LARP4B: variants seen among roughly 807,000 people sequenced by gnomAD.
LARP4B encodes La ribonucleoprotein 4B, also known as la-related protein 4B.
Under a neutral mutation model 89.8 loss-of-function variants are expected in LARP4B, and 12 were observed. That is an observed-to-expected ratio of 0.13 (90% confidence interval 0.09 to 0.22). The LOEUF (loss-of-function observed/expected upper bound fraction) is 0.22, where lower values mean the gene tolerates loss of function less well. LARP4B is among the 10% of genes least tolerant of loss of function. The pLI, the probability that LARP4B is intolerant of heterozygous loss-of-function variation, is 1.00. For synonymous variants in LARP4B, 367 were observed against 363.3 expected (o/e 1.01, Z -0.12); for missense variants, 757 against 947.7 (o/e 0.80, Z 2.64).
intron 3 of LARP4B, among the ~76,000 whole-genome samples, chr10:867,483 TAAAC>T (rs746257690): frequency 9.2e-5 from 14 of 152,218 alleles, no homozygotes; most frequent in Admixed American, 2.6e-4. Context: ...TAGTTTGTAT[TAAAC>T]AAAGATCTGA....
At chr10:878,301 G>A (rs1364929323) in intron 3 of LARP4B, among the ~76,000 whole-genome samples, 4 of 152,162 alleles carry the variant, frequency 2.6e-5, no homozygotes, top group Admixed American at 6.5e-5. Flanking sequence ...GTGTTAGAAA[G>A]GAAGGGTGGG....
the LARP4B span, among the ~76,000 whole-genome samples, chr10:960,449 G>C: frequency 9.9e-5 from 15 of 152,064 alleles, no homozygotes; most frequent in Non-Finnish European, 1.9e-4. Flanking sequence ...GCTCACTCCT[G>C]TAATCCCAGC....
the LARP4B span, among the ~76,000 whole-genome samples, chr10:975,138 G>C: frequency 1.3e-5 from 2 of 152,198 alleles, no homozygotes; most frequent in Admixed American, 6.5e-5. Context: ...TGTTTAAAAG[G>C]GAAATACATA....
intron 11 of LARP4B, among the ~76,000 whole-genome samples, chr10:827,064 A>G (rs1588866539): frequency 2.0e-5 from 3 of 152,190 alleles, no homozygotes; most frequent in African/African-American, 7.2e-5. Context: ...TCAAAAGGTC[A>G]GGAGATCAAG....
At chr10:871,030 T>C (rs972198703) in intron 3 of LARP4B, among the ~76,000 whole-genome samples, 2 of 152,280 alleles carry the variant, frequency 1.3e-5, no homozygotes, top group Non-Finnish European at 2.9e-5. Context: ...GACTTGGCAC[T>C]GCCTCATGTC....
Position 833,674 on chromosome 10 carries a change from G to C in LARP4B, c.751-2697C>G, listed in dbSNP as rs1025740921. Among the ~76,000 whole-genome samples, 34 of 152,092 alleles carry C rather than the reference G, an allele frequency of 2.2e-4. 1 individual carries two copies. Among genetic ancestry groups the C allele is most frequent in the Admixed American group, 1.2e-3 (19 of 15,280 alleles). ...TGGGAGGCCGAGGAGGACGGATCACGAGGTCAAAAGATCAAGACCATCCTG... is the reference window on the plus strand; with the variant it reads ...TGGGAGGCCGAGGAGGACGGATCACCAGGTCAAAAGATCAAGACCATCCTG... On this transcript the variant is annotated intron_variant, in intron 8 of 17. Transcript: ENST00000316157.
intron 8 of LARP4B, among the ~76,000 whole-genome samples, chr10:832,835 G>T (rs1472076577): frequency 6.6e-6 from 1 of 152,190 alleles, no homozygotes; most frequent in Non-Finnish European, 1.5e-5. Context: ...CCAGGCAGAA[G>T]GAAAGTCCAG....
At chr10:972,500 T>A in the LARP4B span, 1 of 456,714 alleles carries the variant, frequency 2.2e-6, no homozygotes, top group Non-Finnish European at 4.4e-6. Flanking sequence ...CATTCTATTC[T>A]CAGAGGGGTG....
At chr10:824,721 C>A (rs1832534304) in intron 13 of LARP4B, among the ~76,000 whole-genome samples, 1 of 152,242 alleles carries the variant, frequency 6.6e-6, no homozygotes, top group Non-Finnish European at 1.5e-5. Flanking sequence ...GCCAGGCCAG[C>A]AGCCATGGGG....
chr10:957,093 T>C, the LARP4B span, among the ~76,000 whole-genome samples: 1 of 152,200 alleles, frequency 6.6e-6, no homozygotes. Context: ...GAAGCACTTT[T>C]GTGATGGGAG....
chr10:843,860 C>A (rs191344435), intron 6 of LARP4B, among the ~76,000 whole-genome samples: 1 of 152,264 alleles, frequency 6.6e-6, no homozygotes, highest in Admixed American at 6.5e-5. Context: ...TTCCTAGCAG[C>A]CAGAATTAAA....
chr10:896,029 GC>G (rs1490121573), intron 1 of LARP4B, among the ~76,000 whole-genome samples: 1 of 152,240 alleles, frequency 6.6e-6, no homozygotes, highest in Non-Finnish European at 1.5e-5. Flanking sequence ...GGGCACTGCT[GC>G]CCACGCAGGA....
At chr10:836,352 A>G in intron 8 of LARP4B, 51 bp downstream of exon 8, 2 of 1,297,870 alleles carry the variant, frequency 1.5e-6, no homozygotes, top group African/African-American at 3.0e-5. Flanking sequence ...CAAAACCAAC[A>G]AAGACCTTTG....
chr10:846,252 C>A (rs180828248), intron 5 of LARP4B, among the ~76,000 whole-genome samples: 1 of 152,212 alleles, frequency 6.6e-6, no homozygotes, highest in Non-Finnish European at 1.5e-5. Flanking sequence ...GCCTGAATAA[C>A]GCAAAGCCTG....
intron 3 of LARP4B, among the ~76,000 whole-genome samples, chr10:881,361 T>C (rs1165370840): frequency 6.6e-6 from 1 of 152,220 alleles, no homozygotes; most frequent in Admixed American, 6.5e-5. Flanking sequence ...TCTCACCCAC[T>C]GCAATCTGGC....
chr10:857,007 C>T (rs1834338938), intron 5 of LARP4B, among the ~76,000 whole-genome samples: 1 of 152,024 alleles, frequency 6.6e-6, no homozygotes. Context: ...ACTTGAGACT[C>T]CCAGGCCTCT....
rs979686785 is a variant in LARP4B at position 873,137 on chromosome 10, C to T, written c.142-8867G>A. ...ACTACTTAGTTCTCTGCTGAAGCAG[C>T]AGCCCATGTTTGAGAGCTCACAAGC... On this transcript the variant is annotated intron_variant, in intron 3 of 17. Transcript: ENST00000316157. 5.1e-6 allele frequency: 5 copies of T among 985,278 alleles called. No homozygotes were observed. In the African/African-American group the frequency reaches 8.7e-5, roughly 17 times the overall value. 61.0% of individuals were successfully genotyped at this position (985,278 alleles called of 1,614,324 possible).
At position 813,091 on chromosome 10, in the gene LARP4B, C is replaced by G. The variant is rs767163439; in HGVS notation, c.2052G>C (p.Lys684Asn). ...ATCTCTCTGCGGGCTCTGCCAGCTT[C>G]TTTTCCTCCTTCCCACAACCAACAG... ...PNTVGCGKEE[K>N]KLAEPAERYR... The change falls in exon 18 of 18, where the codon AAG becomes AAC. Residue 684 changes from lysine to asparagine, a missense_variant. Physicochemically the swap from Lys to Asn is moderately conservative, Grantham distance 94 (BLOSUM62 0). This residue lies in a region of LARP4B where 387 missense variants were observed against 423.6 expected (regional missense o/e 0.91). Transcript: ENST00000316157. 1 of 1,614,208 alleles carries G rather than the reference C, an allele frequency of 6.2e-7. No individual in the cohort carries two copies. The highest frequency in any genetic ancestry group is 1.7e-5 in the Admixed American group (1 of 60,036).
intron 1 of LARP4B, among the ~76,000 whole-genome samples, chr10:924,762 G>A (rs112060615): frequency 6.6e-5 from 10 of 152,316 alleles, no homozygotes; most frequent in African/African-American, 1.9e-4. Context: ...CATCCAGGCC[G>A]GATGTCAGTG....
Sources: gnomAD v4.1 joint callset for allele counts (sites outside exome capture counted in the v4.1 genomes callset) on GRCh38, gnomAD v4.1.1 for gene constraint, gnomAD v4.1.1 regional missense constraint, MANE v1.5 for transcripts, NCBI Gene and HGNC (gene_info 2026-07-23, HGNC 2026-07-21) for gene names.